The following DISP3 variants were observed in gnomAD, a reference collection of about 807,000 sequenced individuals.
The protein encoded by DISP3 is dispatched RND transporter family member 3, also known as protein dispatched homolog 3.
A neutral mutation model predicts 135.3 loss-of-function variants in DISP3; 101 were observed. The ratio of observed to expected loss-of-function variants is 0.75; its 90% CI spans 0.64 to 0.88. DISP3 has a LOEUF of 0.88. Ranked by LOEUF, DISP3 falls within the 40% of genes least tolerant of loss-of-function variation. DISP3 has a pLI of 0.00. For missense variants in DISP3, 1,713 were observed against 1,878.6 expected, an observed-to-expected ratio of 0.91 and a Z score of 1.63; for synonymous variants, 856 against 817.0, an observed-to-expected ratio of 1.05 and a Z score of -0.81.
intron 1 of DISP3, among the ~76,000 whole-genome samples, chr1:11,480,014 C>A (rs1640849392): frequency 6.6e-6 from 1 of 152,188 alleles, no homozygotes. Flanking sequence ...AGTGGGCAGC[C>A]GGGCAGTGGC....
At chr1:11,502,536 T>A in intron 2 of DISP3, 142 bp from the exon 3 acceptor site, 1 of 675,988 alleles carries the variant, frequency 1.5e-6, no homozygotes, top group Non-Finnish European at 2.5e-6. Flanking sequence ...AGAGAGGTTG[T>A]GGGGCCTGGG....
chr1:11,526,543 G>A lies in DISP3; in HGVS notation c.2614-108G>A, dbSNP rs117085853. 285 of 1,302,346 alleles carry A rather than the reference G, an allele frequency of 2.2e-4. 1 individual carries two copies. The East Asian group carries it at 6.4e-3, about 29-fold the overall frequency. 80.7% of individuals were successfully genotyped at this position (1,302,346 alleles called of 1,614,324 possible). ...GCTCTGTCCCCAACTCCGAGGACTG[G>A]GACAGGGTGAACTATGCCGAGGAGG... is the stretch of plus-strand genomic sequence containing the variant. On this transcript the variant is annotated intron_variant, in intron 12 of 20. Transcript: ENST00000294484.
At position 11,529,718 on chromosome 1, in the gene DISP3, A is replaced by G. The variant is rs534487852; in HGVS notation, c.2929+32A>G. 1.2e-6 allele frequency: 2 copies of G among 1,600,664 alleles called. No individual in the cohort carries two copies. The highest frequency in any genetic ancestry group is 8.5e-7 in the Non-Finnish European group (1 of 1,169,942). The stretch of plus-strand genomic sequence containing the variant: ...CAAGGGCACACAGGTGGGGACCTCA[A>G]GAGCTGAGACCTCGGGGCTCAGGAG... On this transcript the variant is annotated intron_variant, in intron 14 of 20. Transcript: ENST00000294484. This position sits in a 1 kb window ranked among gnomAD's most constrained non-coding sequence, Gnocchi z 4.7.
At chr1:11,534,749 C>G in intron 18 of DISP3, 1 of 782,122 alleles carries the variant, frequency 1.3e-6, no homozygotes, top group Non-Finnish European at 2.1e-6. Context: ...CTGATCTGGA[C>G]TTTGGCCACC....
chr1:11,487,761 C>T (rs1641078692), intron 1 of DISP3, among the ~76,000 whole-genome samples: 1 of 152,240 alleles, frequency 6.6e-6, no homozygotes, highest in Non-Finnish European at 1.5e-5. Context: ...TCCCATTCTG[C>T]AGGACCCTCT....
Position 11,530,955 on chromosome 1 carries a change from C to T in DISP3, c.3151C>T (p.His1051Tyr). ...SSFDLFKEIGHLCHLCKAIAA... is the reference protein window; with the variant it reads ...SSFDLFKEIGYLCHLCKAIAA... Reference sequence around the variant, plus strand: ...CTTTGACCTCTTCAAGGAAATTGGGCACCTGTGTCACCTCTGCAAGGCCAT... The same window carrying T: ...CTTTGACCTCTTCAAGGAAATTGGGTACCTGTGTCACCTCTGCAAGGCCAT... Residue 1051 changes from histidine (H) to tyrosine (Y), a missense_variant, in exon 16 of 21, where the codon CAC (histidine) becomes TAC (tyrosine). His to Tyr is a moderately conservative substitution (Grantham distance 83). Around this residue, in one of 2 missense-constraint regions of DISP3, gnomAD observed 1,142 missense variants for 1,384.6 expected, o/e 0.82. Transcript: ENST00000294484. 1 of 1,613,992 alleles carries T rather than the reference C, an allele frequency of 6.2e-7. No homozygotes were observed. The highest frequency in any genetic ancestry group is 2.2e-5 in the East Asian group (1 of 44,858).
Position 11,519,970 on chromosome 1 carries a change from C to T in DISP3, c.2200+90C>T, listed in dbSNP as rs984433411. The T allele has an allele frequency of 2.1e-5, 28 of 1,355,152 alleles. No individual in the cohort carries two copies. The highest frequency in any genetic ancestry group is 2.7e-5 in the Non-Finnish European group (27 of 991,948). 83.9% of individuals were successfully genotyped at this position (1,355,152 alleles called of 1,614,324 possible). A position where few individuals can be genotyped will look rare whatever the true frequency, so the allele number is the denominator to read the frequency against. On this transcript the variant is annotated intron_variant, in intron 9 of 20. Coordinates refer to ENST00000294484, the MANE Select transcript of DISP3 (RefSeq NM_020780.2). The surrounding 1 kb of genome is among the most constrained non-coding windows in gnomAD (Gnocchi z 4.3). ...GGAGCCCACCCCCTCTCGCAGATGC[C>T]CCAGGGTCAGAGGCCTGGGCTGGGG...
Position 11,501,772 on chromosome 1 carries a change from C to T in DISP3, c.780C>T (p.Arg260=). 6.3e-7 allele frequency: 1 copy of T among 1,594,350 alleles called. No individual in the cohort carries two copies. Among genetic ancestry groups the T allele is most frequent in the Non-Finnish European group, 8.6e-7 (1 of 1,168,412 alleles). Residue 260 remains arginine (R), a synonymous_variant, in exon 2 of 21, where the codon CGC becomes CGT. Coordinates refer to ENST00000294484, the MANE Select transcript of DISP3 (RefSeq NM_020780.2). This position sits in a 1 kb window ranked among gnomAD's most constrained non-coding sequence, Gnocchi z 4.9. ...GCGCCTCGCGCTGGGACTACTCGCG[C>T]GCCTATGTGAGTGCCAACACTCAGA... The part of the protein sequence containing the change: ...RRGASRWDYS[R]AYVSANTQTH...
intron 17 of DISP3, among the ~76,000 whole-genome samples, chr1:11,533,019 A>G (rs1050290225): frequency 6.6e-6 from 1 of 151,898 alleles, no homozygotes; most frequent in African/African-American, 2.4e-5. Flanking sequence ...ACCATTTTTA[A>G]GCATACGACT....
intron 1 of DISP3, among the ~76,000 whole-genome samples, chr1:11,480,307 C>T (rs1322902224): frequency 6.6e-6 from 1 of 152,160 alleles, no homozygotes; most frequent in East Asian, 1.9e-4. Flanking sequence ...CAGAAGCCCG[C>T]GCACACCCAC....
chr1:11,531,987 G>A lies in DISP3; in HGVS notation c.3375+277G>A, dbSNP rs1389753517. On this transcript the variant is annotated intron_variant, in intron 17 of 20. Coordinates refer to ENST00000294484, the MANE Select transcript of DISP3 (RefSeq NM_020780.2). The surrounding 1 kb of genome is among the most constrained non-coding windows in gnomAD (Gnocchi z 5.2). ...CCCTCTCCACCAACTGGGGGTCCAC[G>A]GTATTTTTTAGTCTCTGGTCTGTAG... 5.3e-5 allele frequency among the ~76,000 whole-genome samples: 8 copies of A among 152,136 alleles called. No individual in the cohort carries two copies. Among genetic ancestry groups the A allele is most frequent in the African/African-American group, 1.2e-4 (5 of 41,426 alleles).
intron 3 of DISP3, among the ~76,000 whole-genome samples, chr1:11,503,261 G>A (rs1266246211): frequency 6.6e-6 from 1 of 152,170 alleles, no homozygotes; most frequent in Non-Finnish European, 1.5e-5. Flanking sequence ...CAAGAGAGAT[G>A]GAACCAGTAG....
chr1:11,529,831 G>C lies in DISP3; in HGVS notation c.2974G>C (p.Val992Leu), dbSNP rs371132450. 1.3e-5 allele frequency: 21 copies of C among 1,613,982 alleles called. No homozygotes were observed. The highest frequency in any genetic ancestry group is 3.3e-4 in the Middle Eastern group (2 of 6,060). Reference protein sequence around the residue: ...LSATFGFNPCVNTGCGKPAVR... With the variant: ...LSATFGFNPCLNTGCGKPAVR... ...AGCCACCTTCGGCTTCAACCCCTGC[G>C]TGAACACGGGCTGCGGGAAGCCGGC... The change falls in exon 15 of 21, where the codon GTG (valine) becomes CTG (leucine). Residue 992 changes from valine (V) to leucine (L), a missense_variant. Physicochemically the swap from Val to Leu is conservative, Grantham distance 32 (BLOSUM62 1). Around this residue, in one of 2 missense-constraint regions of DISP3, gnomAD observed 1,142 missense variants for 1,384.6 expected, o/e 0.82. Transcript: ENST00000294484. The surrounding 1 kb of genome is among the most constrained non-coding windows in gnomAD (Gnocchi z 4.7).
intron 17 of DISP3, chr1:11,533,713 C>A: frequency 1.9e-6 from 1 of 520,954 alleles, no homozygotes; most frequent in East Asian, 3.5e-5. Flanking sequence ...TCCAAGCTGA[C>A]CCCACCAGCA....
intron 5 of DISP3, 135 bp downstream of exon 5, chr1:11,515,638 G>A (rs750982443): frequency 2.8e-5 from 37 of 1,339,540 alleles, no homozygotes; most frequent in Middle Eastern, 2.4e-4. Context: ...GCCTTGGAGT[G>A]CAGGGTTAGA....
rs140072373 is a variant in DISP3, at chr1:11,534,536, C to T, written c.3531C>T (p.Ile1177=). The T allele has an allele frequency of 3.2e-4, 509 of 1,603,588 alleles. 1 individual carries two copies. The African/African-American group carries it at 5.6e-3, about 18-fold the overall frequency. Residue 1177 remains isoleucine, a synonymous_variant, in exon 18 of 21, where the codon ATC becomes ATT. Transcript: ENST00000294484. ...ACTGGAAGCAGATATTCATGGAAATCGTAGGCAAGCGGCAGCCTCGCCCCT... is the reference window on the plus strand; with the variant it reads ...ACTGGAAGCAGATATTCATGGAAATTGTAGGCAAGCGGCAGCCTCGCCCCT... ...CEHWKQIFME[I]VGVQSALCGL...
intron 10 of DISP3, among the ~76,000 whole-genome samples, chr1:11,522,695 GCCCAGCCAGGA>G (rs1557615246): frequency 1.2e-3 from 45 of 37,770 alleles, no homozygotes; most frequent in Non-Finnish European, 1.6e-3. Flanking sequence ...CCCAGCCAGG[GCCCAGCCAGGA>G]CCCAGCCAGG....
intron 1 of DISP3, among the ~76,000 whole-genome samples, chr1:11,497,713 G>A (rs1162428471): frequency 2.0e-5 from 3 of 152,098 alleles, no homozygotes; most frequent in South Asian, 2.1e-4. Flanking sequence ...ATGCTTTTGC[G>A]TCCTCATAGC....
intron 15 of DISP3, among the ~76,000 whole-genome samples, chr1:11,530,449 A>G (rs1476971463): frequency 2.6e-5 from 4 of 152,132 alleles, no homozygotes; most frequent in African/African-American, 9.7e-5. Flanking sequence ...TTTATTAGTC[A>G]CAGCCCAGCG....
Sources: gnomAD v4.1 joint callset for allele counts (sites outside exome capture counted in the v4.1 genomes callset) on GRCh38, gnomAD v4.1.1 for gene constraint, gnomAD v4.1.1 regional missense constraint, Gnocchi (gnomAD v3.1) non-coding constraint, MANE v1.5 for transcripts, NCBI Gene and HGNC (gene_info 2026-07-23, HGNC 2026-07-21) for gene names.